Variants in RAB37 observed in about 807,000 individuals in gnomAD.
RAB37 encodes RAB37, member RAS oncogene family.
RAB37 carries 29 observed loss-of-function variants against 33.1 expected under a neutral mutation model. The ratio of observed to expected loss-of-function variants is 0.88; its 90% CI spans 0.65 to 1.20. The LOEUF is 1.20. Ranked by LOEUF, RAB37 falls within the 50% of genes most tolerant of loss-of-function variation. The pLI, the probability that RAB37 is intolerant of heterozygous loss-of-function variation, is 0.00. For missense variants in RAB37, 299 were observed against 301.1 expected, an observed-to-expected ratio of 0.99 and a Z score of 0.05; for synonymous variants, 128 against 119.5, an observed-to-expected ratio of 1.07 and a Z score of -0.47.
At chr17:74,700,141 C>CAATA (rs77860062) in intron 1 of RAB37, among the ~76,000 whole-genome samples, 3,633 of 147,794 alleles carry the variant, frequency 0.025, 72 homozygotes, top group Non-Finnish European at 0.032. Flanking sequence ...GACCCTGTCT[C>CAATA]AATAAATAAA....
At position 74,729,882 on chromosome 17, in the gene RAB37, A is replaced by G. The variant is rs1055839329; in HGVS notation, c.183+516A>G. Among the ~76,000 whole-genome samples the G allele has an allele frequency of 5.3e-5, 8 of 152,326 alleles. No individual in the cohort carries two copies. Among genetic ancestry groups the G allele is most frequent in the Admixed American group, 1.3e-4 (2 of 15,308 alleles). ...CAAGAAGATCTGGAGGGACAAAGGG[A>G]CGACAAAGTTTTCAGCACAGTCCAA... On this transcript the variant is annotated intron_variant, in intron 2 of 7. Coordinates refer to the RAB37 transcript ENST00000340415. The surrounding 1 kb of genome is among the most constrained non-coding windows in gnomAD (Gnocchi z 4.2).
rs2034353186 is a variant in RAB37 at position 74,729,170 on chromosome 17, A to G, written c.73-86A>G. ...ATGTTGTGCACATGCGTGCTTAGAA[A>G]GAATCCACTCCCACAGCCACAAGGA... On this transcript the variant is annotated intron_variant, in intron 1 of 7. Coordinates refer to the RAB37 transcript ENST00000340415. This position sits in a 1 kb window ranked among gnomAD's most constrained non-coding sequence, Gnocchi z 4.2. 2.3e-6 allele frequency: 2 copies of G among 886,188 alleles called. No individual in the cohort carries two copies. The highest frequency in any genetic ancestry group is 4.9e-5 in the East Asian group (2 of 41,224). 54.9% of individuals were successfully genotyped at this position (886,188 alleles called of 1,614,324 possible).
intron 1 of RAB37, among the ~76,000 whole-genome samples, chr17:74,693,320 T>C (rs2032202053): frequency 6.6e-6 from 1 of 152,086 alleles, no homozygotes; most frequent in Non-Finnish European, 1.5e-5. Context: ...GAGCAGAGCC[T>C]TTGAGAGGGA....
At chr17:74,695,427 A>G (rs1259095559) in intron 1 of RAB37, among the ~76,000 whole-genome samples, 1 of 152,050 alleles carries the variant, frequency 6.6e-6, no homozygotes, top group African/African-American at 2.4e-5. Context: ...CCACAACAGA[A>G]CAGATTCTCC....
At chr17:74,709,138 C>T (rs1008689122) in intron 1 of RAB37, among the ~76,000 whole-genome samples, 1 of 150,760 alleles carries the variant, frequency 6.6e-6, no homozygotes, top group Non-Finnish European at 1.5e-5. Flanking sequence ...GCAGGAGAAT[C>T]GCTTAAACCC....
chr17:74,674,897 G>C (rs1055694217), intron 1 of RAB37, among the ~76,000 whole-genome samples: 7 of 152,086 alleles, frequency 4.6e-5, no homozygotes, highest in Non-Finnish European at 8.8e-5. Context: ...CTTGTGTTTT[G>C]ACAGCACAGC....
intron 1 of RAB37, among the ~76,000 whole-genome samples, chr17:74,699,471 C>T (rs2032837812): frequency 1.3e-5 from 2 of 152,116 alleles, no homozygotes; most frequent in Admixed American, 6.6e-5. Flanking sequence ...CCTGATCCAG[C>T]GACTGGTGTC....
At chr17:74,728,504 CTG>C (rs2034336002) in intron 1 of RAB37, among the ~76,000 whole-genome samples, 2 of 146,712 alleles carry the variant, frequency 1.4e-5, no homozygotes, top group African/African-American at 2.5e-5. Context: ...GTTTTTGTGT[CTG>C]TGTGTGCATG....
rs1040958736 is a variant in RAB37, at chr17:74,738,122, C to T, written c.93+757C>T. 6.6e-6 allele frequency among the ~76,000 whole-genome samples: 1 copy of T among 152,050 alleles called. No homozygotes were observed. Among genetic ancestry groups the T allele is most frequent in the Non-Finnish European group, 1.5e-5 (1 of 68,026 alleles). Reference sequence around the variant, plus strand: ...CTTCCATCTGTGTCCTTGGAGTGAGCGGGTACCAGAAACTGAAAGAACTGC... The same window carrying T: ...CTTCCATCTGTGTCCTTGGAGTGAGTGGGTACCAGAAACTGAAAGAACTGC... On this transcript the variant is annotated intron_variant, in intron 1 of 8. Coordinates refer to ENST00000392613, the MANE Select transcript of RAB37 (RefSeq NM_001006638.3). The surrounding 1 kb of genome is among the most constrained non-coding windows in gnomAD (Gnocchi z 5.0).
chr17:74,676,116 G>A lies in RAB37; in HGVS notation c.72+4458G>A, dbSNP rs2031827731. ...CGGATTGGGTCCCTACTGTGCCAGG[G>A]TCTGACCTTGAGCTCCCAGAAAATG... On this transcript the variant is annotated intron_variant, in intron 1 of 7. Transcript: ENST00000340415. This position sits in a 1 kb window ranked among gnomAD's most constrained non-coding sequence, Gnocchi z 4.1. Among the ~76,000 whole-genome samples the A allele has an allele frequency of 6.6e-6, 1 of 152,070 alleles. No individual in the cohort carries two copies. The highest frequency in any genetic ancestry group is 2.4e-5 in the African/African-American group (1 of 41,386).
intron 1 of RAB37, among the ~76,000 whole-genome samples, chr17:74,697,346 G>C (rs1254365540): frequency 2.0e-5 from 3 of 152,106 alleles, no homozygotes; most frequent in African/African-American, 7.2e-5. Context: ...CCCTGCCCTA[G>C]GGACAACAAA....
At position 74,728,863 on chromosome 17, in the gene RAB37, ATG is replaced by A. The variant is rs562987631; in HGVS notation, c.73-387_73-386del. Among the ~76,000 whole-genome samples the A allele has an allele frequency of 2.0e-3, 295 of 148,250 alleles. 1 individual carries two copies. The highest frequency in any genetic ancestry group is 0.014 in the Middle Eastern group (4 of 280). ...TCTTGTGCATGTATGTTTCTGTGCCATGTGTGTTCTGTGTGTATGTGTGTACA... is the reference window on the plus strand; with the variant it reads ...TCTTGTGCATGTATGTTTCTGTGCCATGTGTTCTGTGTGTATGTGTGTACA... On this transcript the variant is annotated intron_variant, in intron 1 of 7. Coordinates refer to the RAB37 transcript ENST00000340415.
In RAB37 at chr17:74,747,063, G is replaced by A. The variant is rs1054131; in HGVS notation, c.*1652G>A. Reference sequence around the variant, plus strand: ...TACTGCAGCTCTGCCGGCCTGGAGGGGGAGAGGGGGAGGAAGAAGTATGCG... The same window carrying A: ...TACTGCAGCTCTGCCGGCCTGGAGGAGGAGAGGGGGAGGAAGAAGTATGCG... On this transcript the variant is annotated 3_prime_UTR_variant, in exon 9 of 9. Transcript: ENST00000392613. The A allele has an allele frequency of 0.11, 17,156 of 152,362 alleles. 1,067 individuals are homozygous for A. The highest frequency in any genetic ancestry group is 0.14 in the Non-Finnish European group (9,816 of 68,122). The allele number at this position is 152,362 out of a possible 1,614,324, so 9.4% of individuals were successfully genotyped here.
At chr17:74,679,253 G>C (rs1200149642) in intron 1 of RAB37, among the ~76,000 whole-genome samples, 1 of 152,216 alleles carries the variant, frequency 6.6e-6, no homozygotes, top group Non-Finnish European at 1.5e-5. Context: ...TACCCCTAGG[G>C]GAGAGTCAGG....
chr17:74,686,881 A>G (rs1179627450), intron 1 of RAB37, among the ~76,000 whole-genome samples: 1 of 151,934 alleles, frequency 6.6e-6, no homozygotes, highest in Non-Finnish European at 1.5e-5. Flanking sequence ...GAATTTCACA[A>G]CTCTTTCCAC....
chr17:74,672,654 T>C (rs2031732050), intron 1 of RAB37: 1 of 152,216 alleles, frequency 6.6e-6, no homozygotes, highest in South Asian at 2.1e-4. Context: ...GAGCTGATAC[T>C]AAAAGCCAGA....
chr17:74,687,156 A>G (rs1345534698), intron 1 of RAB37, among the ~76,000 whole-genome samples: 1 of 152,072 alleles, frequency 6.6e-6, no homozygotes, highest in Non-Finnish European at 1.5e-5. Context: ...CAGAAAAACA[A>G]ATGAGTCAGT....
At chr17:74,695,607 C>G in intron 1 of RAB37, 2 of 1,448,972 alleles carry the variant, frequency 1.4e-6, no homozygotes, top group Non-Finnish European at 1.9e-6. Flanking sequence ...TGGCTTTGCC[C>G]CACACCTGCC....
chr17:74,689,286 T>C (rs1298901217), intron 1 of RAB37, among the ~76,000 whole-genome samples: 1 of 151,814 alleles, frequency 6.6e-6, no homozygotes, highest in African/African-American at 2.4e-5. Flanking sequence ...CTACTAAAAA[T>C]ACAAAAATTA....
Sources: gnomAD v4.1 joint callset for allele counts (sites outside exome capture counted in the v4.1 genomes callset) on GRCh38, gnomAD v4.1.1 for gene constraint, Gnocchi (gnomAD v3.1) non-coding constraint, MANE v1.5 for transcripts, NCBI Gene and HGNC (gene_info 2026-07-23, HGNC 2026-07-21) for gene names.